The following FXYD5 variants were observed in gnomAD, a reference collection of about 807,000 sequenced individuals.
FXYD5 encodes the protein FXYD domain containing ion transport regulator 5, also known as FXYD domain-containing ion transport regulator 5.
Under a neutral mutation model 25.7 loss-of-function variants are expected in FXYD5, and 21 were observed. That is an observed-to-expected ratio of 0.82 (90% CI 0.58 to 1.18). The LOEUF (loss-of-function observed/expected upper bound fraction) is 1.18, where lower values mean the gene tolerates loss of function less well. Among genes scored for constraint, FXYD5 ranks in the 50% most tolerant of loss-of-function variants. FXYD5 has a pLI of 0.00. For synonymous variants in FXYD5, 101 were observed against 90.7 expected, an observed-to-expected ratio of 1.11 and a Z score of -0.64; for missense variants, 229 against 227.7, an observed-to-expected ratio of 1.01 and a Z score of -0.04.
intron 3 of FXYD5, chr19:35,157,767 G>A (rs1453503385): frequency 8.5e-6 from 3 of 352,428 alleles, no homozygotes; most frequent in Non-Finnish European, 5.3e-6. Flanking sequence ...GAAGCCTGGG[G>A]CTGTCATCCT....
chr19:35,168,968 C>T (rs764246857), intron 8 of FXYD5, among the ~76,000 whole-genome samples: 109 of 150,642 alleles, frequency 7.2e-4, no homozygotes, highest in Non-Finnish European at 1.3e-3. Context: ...GAGGCTGAGG[C>T]GGGAGAATCG....
intron 8 of FXYD5, 63 bp from the exon 9 acceptor site, chr19:35,169,500 CCCA>C (rs1223657335): frequency 1.6e-6 from 2 of 1,217,140 alleles, no homozygotes; most frequent in Non-Finnish European, 2.4e-6. Context: ...GTTCCCCAGC[CCCA>C]CAACACACGA....
At chr19:35,155,657 A>G (rs1245266064) in intron 2 of FXYD5, 46 bp downstream of exon 2, 2 of 1,412,778 alleles carry the variant, frequency 1.4e-6, no homozygotes, top group Non-Finnish European at 1.0e-6. Flanking sequence ...GCCCCCAGCC[A>G]GGCCAGCCCC....
chr19:35,160,926 T>A (rs1385733813), intron 5 of FXYD5, 125 bp downstream of exon 5: 9 of 635,668 alleles, frequency 1.4e-5, no homozygotes, highest in African/African-American at 3.7e-5. Flanking sequence ...TTAAAAAAAA[T>A]GTTTTTGGTT....
intron 8 of FXYD5, 40 bp downstream of exon 8, chr19:35,166,365 G>A: frequency 7.6e-7 from 1 of 1,311,612 alleles, no homozygotes; most frequent in Non-Finnish European, 1.1e-6. Context: ...CCAAGACCAG[G>A]AGGGGGACTT....
intron 4 of FXYD5, 133 bp downstream of exon 4, chr19:35,158,533 G>A (rs2065377698): frequency 1.6e-6 from 1 of 623,462 alleles, no homozygotes; most frequent in South Asian, 2.0e-5. Context: ...GGTTTACTCT[G>A]GGTGGGGACA....
At position 35,160,497 on chromosome 19, in the gene FXYD5, C is replaced by T. The variant is rs554776096; in HGVS notation, c.200-212C>T. Among the ~76,000 whole-genome samples, 26 of 152,260 alleles carry T rather than the reference C, an allele frequency of 1.7e-4. No homozygotes were observed. The East Asian group carries it at 4.2e-3, about 25-fold the overall frequency. On this transcript the variant is annotated intron_variant, in intron 4 of 8. Transcript: ENST00000392219. ...GAGTAGCTGAGATTAGAGGCATGAG[C>T]GACCACGCCCAGCTAATTTTGTATT...
At chr19:35,159,130 A>T (rs2065382955) in intron 4 of FXYD5, among the ~76,000 whole-genome samples, 1 of 151,926 alleles carries the variant, frequency 6.6e-6, no homozygotes, top group Non-Finnish European at 1.5e-5. Context: ...CTGTCTCAAA[A>T]AAAAAAAAAA....
Position 35,169,781 on chromosome 19 carries a change from C to T in FXYD5, c.*166C>T. On this transcript the variant is annotated 3_prime_UTR_variant, in exon 9 of 9. Coordinates refer to ENST00000392219, the MANE Select transcript of FXYD5 (RefSeq NM_014164.6). ...GCTGCCGGTCCGAGTCTCCTACCTC[C>T]CCCAACCCTGCCCGCCCCTGAAGGC... is the stretch of plus-strand genomic sequence containing the variant. The T allele has an allele frequency of 1.6e-6, 1 of 619,080 alleles. No individual in the cohort carries two copies. Among genetic ancestry groups the T allele is most frequent in the Non-Finnish European group, 2.9e-6 (1 of 345,512 alleles). 38.3% of individuals were successfully genotyped at this position (619,080 alleles called of 1,614,324 possible).
intron 4 of FXYD5, among the ~76,000 whole-genome samples, chr19:35,160,200 C>A (rs866473355): frequency 6.6e-6 from 1 of 152,154 alleles, no homozygotes; most frequent in Non-Finnish European, 1.5e-5. Flanking sequence ...TAGAGTGAGA[C>A]CCTGTCTCAA....
At chr19:35,158,495 A>G in intron 4 of FXYD5, 95 bp downstream of exon 4, 1 of 786,062 alleles carries the variant, frequency 1.3e-6, no homozygotes, top group South Asian at 1.4e-5. Flanking sequence ...TGCCCATTTC[A>G]GTCCCTACTC....
At chr19:35,166,511 C>T in intron 8 of FXYD5, 186 bp downstream of exon 8, 1 of 507,726 alleles carries the variant, frequency 2.0e-6, no homozygotes. Context: ...CTCTCAATAC[C>T]ACAGTTTGGA....
intron 3 of FXYD5, 72 bp from the exon 4 acceptor site, chr19:35,158,272 C>G: frequency 2.2e-6 from 2 of 927,474 alleles, no homozygotes; most frequent in Middle Eastern, 2.1e-4. Flanking sequence ...TCTGGCATCT[C>G]CACCCATAGA....
chr19:35,155,391 C>T (rs1441844292), intron 1 of FXYD5, 160 bp from the exon 2 acceptor site: 3 of 652,028 alleles, frequency 4.6e-6, no homozygotes, highest in Non-Finnish European at 5.5e-6. Flanking sequence ...ACCTAAGACC[C>T]TCCCCTTTCC....
chr19:35,155,616 G>A lies in FXYD5; in HGVS notation c.61+5G>A. 1 of 1,604,742 alleles carries A rather than the reference G, an allele frequency of 6.2e-7. No homozygotes were observed. The highest frequency in any genetic ancestry group is 8.5e-7 in the Non-Finnish European group (1 of 1,175,298). On this transcript the variant is annotated splice_donor_5th_base_variant and intron_variant, in intron 2 of 8. Transcript: ENST00000392219. ...GCCTGATTCTCCCCACCAGAGGTAA[G>A]ACCCATCTCTGGCCTCCACCCTGCC...
rs1600504311 is a variant in FXYD5, at chr19:35,160,576, C to A, written c.200-133C>A. Reference sequence around the variant, plus strand: ...GGTCAGGCTGGTCTCGAACTCCCGACCTAAGGTAATCTGCCCGCCTCGGCC... The same window carrying A: ...GGTCAGGCTGGTCTCGAACTCCCGAACTAAGGTAATCTGCCCGCCTCGGCC... On this transcript the variant is annotated intron_variant, in intron 4 of 8. Transcript: ENST00000392219. 8 of 665,116 alleles carry A rather than the reference C, an allele frequency of 1.2e-5. No individual in the cohort carries two copies. The East Asian group carries it at 1.9e-4, about 16-fold the overall frequency. The allele number at this position is 665,116 out of a possible 1,614,324, so 41.2% of individuals were successfully genotyped here. A position where few individuals can be genotyped will look rare whatever the true frequency, so the allele number is the denominator to read the frequency against.
intron 2 of FXYD5, among the ~76,000 whole-genome samples, chr19:35,156,666 GAGAA>G: frequency 6.6e-6 from 1 of 152,296 alleles, no homozygotes; most frequent in South Asian, 2.1e-4. Context: ...GGGTTGGGAT[GAGAA>G]GGGGCAGAGT....
At chr19:35,167,224 G>C (rs926339336) in intron 8 of FXYD5, among the ~76,000 whole-genome samples, 20 of 152,336 alleles carry the variant, frequency 1.3e-4, no homozygotes, top group African/African-American at 4.8e-4. Flanking sequence ...AGGGCAATGA[G>C]ATGGTGCAGT....
chr19:35,158,577 C>A (rs921693930), intron 4 of FXYD5, among the ~76,000 whole-genome samples, 177 bp downstream of exon 4: 1 of 152,098 alleles, frequency 6.6e-6, no homozygotes, highest in African/African-American at 2.4e-5. Flanking sequence ...AAAAAGAAAA[C>A]CAAAACGCTT....
Sources: gnomAD v4.1 joint callset for allele counts (sites outside exome capture counted in the v4.1 genomes callset) on GRCh38, gnomAD v4.1.1 for gene constraint, MANE v1.5 for transcripts, NCBI Gene and HGNC (gene_info 2026-07-23, HGNC 2026-07-21) for gene names.